Variants in TSNAX observed in about 807,000 individuals in gnomAD.
TSNAX encodes the protein translin associated factor X.
Under a neutral mutation model 33.0 loss-of-function variants are expected in TSNAX, and 12 were observed. The observed-to-expected ratio is 0.36, with a 90% confidence interval of 0.23 to 0.59. TSNAX has a LOEUF of 0.59. Among genes scored for constraint, TSNAX ranks in the 20% least tolerant of loss-of-function variants. The probability of loss-of-function intolerance (pLI) is 0.74; values close to 1 mark genes in which losing one functional copy is unlikely to be tolerated. For synonymous variants in TSNAX, 110 were observed against 117.2 expected (o/e 0.94, Z 0.40); for missense variants, 267 against 341.3 (o/e 0.78, Z 1.72).
rs188220661 is a variant in TSNAX, at chr1:231,541,121, A to G, written c.237-1360A>G. Among the ~76,000 whole-genome samples the G allele has an allele frequency of 1.7e-3, 260 of 152,250 alleles. 2 individuals carry two copies. The highest frequency in any genetic ancestry group is 5.7e-3 in the African/African-American group (236 of 41,544). On this transcript the variant is annotated intron_variant, in intron 3 of 5. Coordinates refer to ENST00000366639, the MANE Select transcript of TSNAX (RefSeq NM_005999.3). ...TATTGCTATGGTTATAATTAAATCTACCATCTATTCTTCTCTCCTTCCTGC... is the reference window on the plus strand; with the variant it reads ...TATTGCTATGGTTATAATTAAATCTGCCATCTATTCTTCTCTCCTTCCTGC...
At chr1:231,543,553 A>G (rs376474425) in intron 4 of TSNAX, among the ~76,000 whole-genome samples, 14 of 152,208 alleles carry the variant, frequency 9.2e-5, no homozygotes, top group East Asian at 3.8e-4. Flanking sequence ...GGAATGCTCA[A>G]TATCAGTACC....
Position 231,565,687 on chromosome 1 carries a change from G to T in TSNAX, c.*782G>T, listed in dbSNP as rs1285324078. 2 of 152,220 alleles carry T rather than the reference G, an allele frequency of 1.3e-5. No homozygotes were observed. The highest frequency in any genetic ancestry group is 4.8e-5 in the African/African-American group (2 of 41,406). 9.4% of individuals were successfully genotyped at this position (152,220 alleles called of 1,614,324 possible). ...TGCAGTGAGCCGAGATTGCGCCACT[G>T]CACTCCAGCCTGGGTAACAGAGCAA... On this transcript the variant is annotated 3_prime_UTR_variant, in exon 6 of 6. Transcript: ENST00000366639.
chr1:231,549,210 C>T (rs1222246754), intron 4 of TSNAX, among the ~76,000 whole-genome samples: 2 of 152,154 alleles, frequency 1.3e-5, no homozygotes, highest in African/African-American at 4.8e-5. Context: ...CTTTGGGAGG[C>T]TGAGGTGGGC....
At chr1:231,538,734 C>T (rs960729114) in intron 3 of TSNAX, among the ~76,000 whole-genome samples, 1 of 152,030 alleles carries the variant, frequency 6.6e-6, no homozygotes, top group African/African-American at 2.4e-5. Context: ...TGGCTCACAC[C>T]TGTATGGGCA....
chr1:231,551,113 G>T (rs1297561090), intron 4 of TSNAX, among the ~76,000 whole-genome samples: 2 of 152,130 alleles, frequency 1.3e-5, no homozygotes, highest in Admixed American at 1.3e-4. Flanking sequence ...TTATATTCCT[G>T]TTAAAATATC....
Position 231,537,236 on chromosome 1 carries a change from A to G in TSNAX, c.145A>G (p.Arg49Gly). 1 of 1,613,040 alleles carries G rather than the reference A, an allele frequency of 6.2e-7. No individual in the cohort carries two copies. Among genetic ancestry groups the G allele is most frequent in the Non-Finnish European group, 8.5e-7 (1 of 1,179,628 alleles). Residue 49 changes from arginine to glycine, a missense_variant, in exon 3 of 6, where the codon AGG becomes GGG. Arg to Gly is a moderately radical substitution (Grantham distance 125). Around this residue, in one of 2 missense-constraint regions of TSNAX, gnomAD observed 200 missense variants for 214.1 expected, o/e 0.93. Coordinates refer to ENST00000366639, the MANE Select transcript of TSNAX (RefSeq NM_005999.3). Reference protein sequence around the residue: ...FKSFQQELDARHDKYERLVKL... With the variant: ...FKSFQQELDAGHDKYERLVKL... ...AGCATTTCAGCAGGAACTTGATGCA[A>G]GGCATGACAAATATGAGAGACTTGT...
At chr1:231,560,090 C>T (rs927951334) in intron 4 of TSNAX, among the ~76,000 whole-genome samples, 4 of 151,458 alleles carry the variant, frequency 2.6e-5, no homozygotes, top group South Asian at 2.1e-4. Flanking sequence ...CGCCATTCTC[C>T]TGCCTCAGCC....
chr1:231,551,446 G>GT (rs1660286399), intron 4 of TSNAX, among the ~76,000 whole-genome samples: 1 of 152,156 alleles, frequency 6.6e-6, no homozygotes, highest in African/African-American at 2.4e-5. Context: ...CCTTTAGCAT[G>GT]AGAACATTAA....
chr1:231,560,596 T>G (rs972827622), intron 4 of TSNAX, among the ~76,000 whole-genome samples: 1 of 151,584 alleles, frequency 6.6e-6, no homozygotes, highest in Non-Finnish European at 1.5e-5. Context: ...TTTTGTATTT[T>G]TAGTAGAGAT....
rs1218383732 is a variant in TSNAX at position 231,559,027 on chromosome 1, C to T, written c.368-2101C>T. 5.3e-5 allele frequency among the ~76,000 whole-genome samples: 8 copies of T among 152,262 alleles called. No individual in the cohort carries two copies. In the East Asian group the frequency reaches 1.6e-3, roughly 30 times the overall value. ...CCTGGCATTTGATGTGATGATACTA[C>T]AGCTGTTAGCCTCCCCAACACTGTT... On this transcript the variant is annotated intron_variant, in intron 4 of 5. Transcript: ENST00000366639.
chr1:231,550,570 C>T (rs561573405), intron 4 of TSNAX, among the ~76,000 whole-genome samples: 2 of 152,332 alleles, frequency 1.3e-5, no homozygotes, highest in South Asian at 4.1e-4. Flanking sequence ...GCTGTCTCTG[C>T]ACATAAGGGA....
intron 4 of TSNAX, among the ~76,000 whole-genome samples, chr1:231,552,089 A>T (rs1441676138): frequency 6.6e-6 from 1 of 152,164 alleles, no homozygotes; most frequent in Non-Finnish European, 1.5e-5. Flanking sequence ...TGAGGTCGGG[A>T]GTTCGAGACC....
intron 4 of TSNAX, among the ~76,000 whole-genome samples, chr1:231,556,442 G>C (rs1660701138): frequency 6.6e-6 from 1 of 152,232 alleles, no homozygotes; most frequent in Non-Finnish European, 1.5e-5. Flanking sequence ...AGGCACTGCT[G>C]AATGATACAG....
In TSNAX at chr1:231,560,416, C is replaced by CA. The variant is rs1488873674; in HGVS notation, c.368-712_368-711insA. Reference sequence around the variant, plus strand: ...TAGGCTTTTCTTTTCTCCCCCCCCCCCCTTTTTTTTTTTTTGAGACGAAGT... The same window carrying CA: ...TAGGCTTTTCTTTTCTCCCCCCCCCCACCTTTTTTTTTTTTTGAGACGAAGT... On this transcript the variant is annotated intron_variant, in intron 4 of 5. Transcript: ENST00000366639. Among the ~76,000 whole-genome samples, 8 of 107,302 alleles carry CA rather than the reference C, an allele frequency of 7.5e-5. No homozygotes were observed. In the East Asian group the frequency reaches 1.3e-3, roughly 17 times the overall value. 70.4% of individuals were successfully genotyped at this position (107,302 alleles called of 152,430 possible). A position where few individuals can be genotyped will look rare whatever the true frequency, so the allele number is the denominator to read the frequency against.
chr1:231,529,813 A>G (rs1338936527), intron 2 of TSNAX, among the ~76,000 whole-genome samples: 1 of 152,240 alleles, frequency 6.6e-6, no homozygotes, highest in Non-Finnish European at 1.5e-5. Flanking sequence ...ATATTTTCAC[A>G]GTCCCCTTTT....
intron 4 of TSNAX, among the ~76,000 whole-genome samples, chr1:231,544,171 GTTAGGTCTC>G (rs1423989967): frequency 2.0e-5 from 3 of 152,190 alleles, no homozygotes; most frequent in Admixed American, 2.0e-4. Context: ...GGGGGACCAA[GTTAGGTCTC>G]TTAGTTTCTG....
At position 231,541,804 on chromosome 1, in the gene TSNAX, C is replaced by A. The variant is rs1270279345; in HGVS notation, c.237-677C>A. 2.6e-5 allele frequency among the ~76,000 whole-genome samples: 4 copies of A among 152,164 alleles called. No individual in the cohort carries two copies. The East Asian group carries it at 7.7e-4, about 29-fold the overall frequency. ...TCACTTTGGGCAATTCTTTTTCCAG[C>A]CTTAGGTAGTTTCCTCACATGCCTG... On this transcript the variant is annotated intron_variant, in intron 3 of 5. Transcript: ENST00000366639.
intron 3 of TSNAX, 29 bp downstream of exon 3, chr1:231,537,356 A>T: frequency 1.4e-6 from 2 of 1,380,304 alleles, no homozygotes; most frequent in Non-Finnish European, 2.0e-6. Flanking sequence ...AATTTATTAC[A>T]GTTTGATACT....
intron 2 of TSNAX, among the ~76,000 whole-genome samples, chr1:231,532,402 C>T (rs111692882): frequency 7.9e-5 from 12 of 151,736 alleles, no homozygotes; most frequent in African/African-American, 2.7e-4. Flanking sequence ...TGTGTTGCCC[C>T]TGCTGGTCTC....
Sources: gnomAD v4.1 joint callset for allele counts (sites outside exome capture counted in the v4.1 genomes callset) on GRCh38, gnomAD v4.1.1 for gene constraint, gnomAD v4.1.1 regional missense constraint, MANE v1.5 for transcripts, NCBI Gene and HGNC (gene_info 2026-07-23, HGNC 2026-07-21) for gene names.